The following LRRC8B variants were observed in gnomAD, a reference collection of about 807,000 sequenced individuals.
LRRC8B encodes volume-regulated anion channel subunit LRRC8B.
A neutral mutation model predicts 58.8 loss-of-function variants in LRRC8B; 23 were observed. The ratio of observed to expected loss-of-function variants is 0.39; its 90% CI spans 0.28 to 0.55. The LOEUF is 0.55. Ranked by LOEUF, LRRC8B falls within the 20% of genes least tolerant of loss-of-function variation. The pLI, the probability that LRRC8B is intolerant of heterozygous loss-of-function variation, is 0.62. For missense variants in LRRC8B, 694 were observed against 936.0 expected (o/e 0.74, Z 3.37); for synonymous variants, 359 against 374.1 (o/e 0.96, Z 0.47).
At chr1:89,549,853 T>A (rs1353716658) in intron 1 of LRRC8B, 1 of 152,170 alleles carries the variant, frequency 6.6e-6, no homozygotes, top group East Asian at 1.9e-4. Flanking sequence ...AAGTCCAACA[T>A]TGGCCCAAGT....
rs1455772334 is a variant in LRRC8B, at chr1:89,593,515, T to G, written c.*472T>G. On this transcript the variant is annotated 3_prime_UTR_variant, in exon 6 of 6. Transcript: ENST00000330947. ...AAGCAACTGAGTGTCTAGCCCTAAA[T>G]TAACCAGGTAAAAACTGTTAACACT... 6.5e-6 allele frequency: 1 copy of G among 153,968 alleles called. No individual in the cohort carries two copies. Among genetic ancestry groups the G allele is most frequent in the Non-Finnish European group, 1.4e-5 (1 of 69,134 alleles). 9.5% of individuals were successfully genotyped at this position (153,968 alleles called of 1,614,324 possible).
At chr1:89,574,486 A>G (rs114940009) in intron 3 of LRRC8B, among the ~76,000 whole-genome samples, 405 of 152,322 alleles carry the variant, frequency 2.7e-3, no homozygotes, top group Non-Finnish European at 4.5e-3. Context: ...ACCATGACCT[A>G]CAGTAACATG....
chr1:89,579,927 C>G (rs1368882953), intron 4 of LRRC8B, among the ~76,000 whole-genome samples: 3 of 152,184 alleles, frequency 2.0e-5, no homozygotes, highest in Non-Finnish European at 4.4e-5. Flanking sequence ...CTCTTTTTAT[C>G]CATTACAAGA....
chr1:89,558,025 C>T (rs548787876), intron 1 of LRRC8B, among the ~76,000 whole-genome samples: 13 of 152,118 alleles, frequency 8.5e-5, no homozygotes, highest in Non-Finnish European at 1.6e-4. Flanking sequence ...AGAAATAAAG[C>T]CAGAGACTTA....
intron 1 of LRRC8B, among the ~76,000 whole-genome samples, chr1:89,545,661 CTATA>C (rs1261091770): frequency 6.6e-6 from 1 of 152,168 alleles, no homozygotes; most frequent in African/African-American, 2.4e-5. Context: ...AATTCTTGCA[CTATA>C]TGTATGGTGA....
chr1:89,546,924 G>C (rs115831228), intron 1 of LRRC8B, among the ~76,000 whole-genome samples: 3,187 of 152,278 alleles, frequency 0.021, 103 homozygotes, highest in African/African-American at 0.073. Flanking sequence ...ACATAAGCTT[G>C]TGAAAACTGA....
chr1:89,586,269 G>T (rs1305455929), intron 5 of LRRC8B, among the ~76,000 whole-genome samples: 3 of 152,138 alleles, frequency 2.0e-5, no homozygotes, highest in African/African-American at 7.2e-5. Context: ...GATGATGCTG[G>T]CCTAGTGACT....
intron 1 of LRRC8B, among the ~76,000 whole-genome samples, chr1:89,538,270 A>G (rs1038579407): frequency 6.6e-6 from 1 of 152,190 alleles, no homozygotes; most frequent in African/African-American, 2.4e-5. Flanking sequence ...GGCAGGAGAG[A>G]AAAAAAGCAA....
intron 1 of LRRC8B, among the ~76,000 whole-genome samples, chr1:89,560,919 G>A (rs1184155994): frequency 2.0e-5 from 3 of 152,076 alleles, no homozygotes; most frequent in Admixed American, 6.5e-5. Flanking sequence ...GGATGGCTGG[G>A]TCAAATGGTA....
At position 89,581,837 on chromosome 1, in the gene LRRC8B, A is replaced by C. The variant is rs555603615; in HGVS notation, c.-26-788A>C. Among the ~76,000 whole-genome samples, 27 of 152,284 alleles carry C rather than the reference A, an allele frequency of 1.8e-4. No individual in the cohort carries two copies. The South Asian group carries it at 5.6e-3, about 32-fold the overall frequency. ...TACTTCCCAACTTTTAAATACTCTA[A>C]GTTTTTTCATACTCATGTACTTAAA... On this transcript the variant is annotated intron_variant, in intron 4 of 5. Coordinates refer to ENST00000330947, the MANE Select transcript of LRRC8B (RefSeq NM_001369817.2).
chr1:89,589,350 G>A (rs573450572), intron 5 of LRRC8B, among the ~76,000 whole-genome samples: 1 of 152,124 alleles, frequency 6.6e-6, no homozygotes, highest in Non-Finnish European at 1.5e-5. Flanking sequence ...ATTCCACATG[G>A]GGTACAGTGG....
intron 1 of LRRC8B, among the ~76,000 whole-genome samples, chr1:89,531,576 T>C (rs917599087): frequency 3.3e-5 from 5 of 152,150 alleles, no homozygotes; most frequent in Admixed American, 6.5e-5. Flanking sequence ...AGCCCTCAGA[T>C]AGAATAGATG....
intron 1 of LRRC8B, among the ~76,000 whole-genome samples, chr1:89,543,876 C>G (rs1248700004): frequency 1.3e-5 from 2 of 152,088 alleles, no homozygotes. Context: ...CAGCCCCGAT[C>G]TCCCAGGCTC....
chr1:89,572,142 T>G (rs1653518427), intron 3 of LRRC8B, among the ~76,000 whole-genome samples: 2 of 152,204 alleles, frequency 1.3e-5, no homozygotes, highest in Admixed American at 6.5e-5. Flanking sequence ...TAAAATTTCT[T>G]TTCTTTAAGA....
intron 5 of LRRC8B, among the ~76,000 whole-genome samples, chr1:89,586,829 G>A (rs1014971914): frequency 2.0e-4 from 31 of 152,006 alleles, no homozygotes; most frequent in African/African-American, 7.5e-4. Context: ...GTGAACTTAG[G>A]GTCAAAGAAG....
intron 3 of LRRC8B, among the ~76,000 whole-genome samples, chr1:89,575,077 G>A (rs915510115): frequency 2.0e-5 from 3 of 152,162 alleles, no homozygotes; most frequent in Admixed American, 6.5e-5. Context: ...GTTTTTGGGG[G>A]GCTTGGGAAA....
At chr1:89,526,355 C>T (rs2100759493) in intron 1 of LRRC8B, among the ~76,000 whole-genome samples, 1 of 152,314 alleles carries the variant, frequency 6.6e-6, no homozygotes, top group Middle Eastern at 3.4e-3. Context: ...GCGGGGACTA[C>T]AGGGGCCCGC....
intron 1 of LRRC8B, among the ~76,000 whole-genome samples, chr1:89,525,516 A>AT (rs1406259990): frequency 6.6e-6 from 1 of 152,124 alleles, no homozygotes; most frequent in African/African-American, 2.4e-5. Flanking sequence ...CTTGGGAACT[A>AT]TTTTATGCTG....
intron 1 of LRRC8B, among the ~76,000 whole-genome samples, chr1:89,555,219 A>T (rs1220579702): frequency 6.6e-6 from 1 of 152,170 alleles, no homozygotes; most frequent in Non-Finnish European, 1.5e-5. Flanking sequence ...TTATTTTAGA[A>T]GAACCTTACT....
Sources: gnomAD v4.1 joint callset for allele counts (sites outside exome capture counted in the v4.1 genomes callset) on GRCh38, gnomAD v4.1.1 for gene constraint, MANE v1.5 for transcripts, NCBI Gene and HGNC (gene_info 2026-07-23, HGNC 2026-07-21) for gene names.